LINGO2: variants seen among roughly 807,000 people sequenced by gnomAD.
LINGO2 encodes leucine-rich repeat and immunoglobulin-like domain-containing nogo receptor-interacting protein 2.
In LINGO2, 14 loss-of-function variants were observed where a neutral mutation model predicts 30.6. The observed-to-expected ratio is 0.46, with a 90% CI of 0.30 to 0.72. The LOEUF (loss-of-function observed/expected upper bound fraction) is 0.72, where lower values mean the gene tolerates loss of function less well. Ranked by LOEUF, LINGO2 falls within the 30% of genes least tolerant of loss-of-function variation. The pLI is 0.07. For synonymous variants in LINGO2, 317 were observed against 288.5 expected (o/e 1.10, Z -1.00); for missense variants, 729 against 751.7 (o/e 0.97, Z 0.35).
intron 3 of LINGO2, among the ~76,000 whole-genome samples, chr9:28,307,551 T>A (rs1204894481): frequency 6.6e-6 from 1 of 152,114 alleles, no homozygotes; most frequent in African/African-American, 2.4e-5. Flanking sequence ...ACCACTCCTA[T>A]TCAACACAGT....
chr9:28,364,132 T>G (rs1770396643), intron 3 of LINGO2, among the ~76,000 whole-genome samples: 1 of 152,204 alleles, frequency 6.6e-6, no homozygotes, highest in South Asian at 2.1e-4. Flanking sequence ...CCTTAAGAGA[T>G]TATGATATAA....
At chr9:27,981,315 A>G (rs1820842300) in intron 5 of LINGO2, among the ~76,000 whole-genome samples, 1 of 151,654 alleles carries the variant, frequency 6.6e-6, no homozygotes, top group South Asian at 2.1e-4. Context: ...CCATTTACAG[A>G]TAAGAAAATC....
chr9:28,944,733 C>G, the LINGO2 span, among the ~76,000 whole-genome samples: 1 of 151,860 alleles, frequency 6.6e-6, no homozygotes, highest in African/African-American at 2.4e-5. Context: ...AGGTTATTGA[C>G]CAGCTACTGA....
chr9:28,801,243 T>C, the LINGO2 span, among the ~76,000 whole-genome samples: 1 of 152,082 alleles, frequency 6.6e-6, no homozygotes, highest in Admixed American at 6.6e-5. Context: ...GCAAAGCTGT[T>C]CAAGATAGGT....
Position 28,250,919 on chromosome 9 carries a change from C to T in LINGO2, c.-87+44289G>A, listed in dbSNP as rs185271226. 8.3e-4 allele frequency among the ~76,000 whole-genome samples: 123 copies of T among 147,766 alleles called. 1 individual carries two copies. The East Asian group carries it at 0.023, about 27-fold the overall frequency. On this transcript the variant is annotated intron_variant, in intron 4 of 5. Transcript: ENST00000379992. ...TCCGTCAGTTGGGGACCTGCAAATCCTCCCACCCCAGCAGTCACAAGACGC... is the reference window on the plus strand; with the variant it reads ...TCCGTCAGTTGGGGACCTGCAAATCTTCCCACCCCAGCAGTCACAAGACGC...
chr9:28,478,800 A>G (rs1450934120), intron 1 of LINGO2, among the ~76,000 whole-genome samples: 1 of 152,042 alleles, frequency 6.6e-6, no homozygotes, highest in African/African-American at 2.4e-5. Context: ...CCTTGCCTTG[A>G]AGATAAGTGT....
intron 4 of LINGO2, among the ~76,000 whole-genome samples, chr9:28,118,503 A>G (rs996486609): frequency 3.9e-5 from 6 of 152,176 alleles, no homozygotes; most frequent in Admixed American, 3.9e-4. Context: ...TCAGTAAGCT[A>G]TCTAACTTTG....
At chr9:29,196,466 G>A in the LINGO2 span, among the ~76,000 whole-genome samples, 2 of 152,036 alleles carry the variant, frequency 1.3e-5, no homozygotes, top group African/African-American at 4.8e-5. Context: ...AAGTTATAAG[G>A]ATATGTTATA....
At chr9:28,846,704 C>T in the LINGO2 span, among the ~76,000 whole-genome samples, 4 of 147,372 alleles carry the variant, frequency 2.7e-5, 1 homozygote, top group African/African-American at 1.0e-4. Flanking sequence ...TAATTACCAT[C>T]TCTGGGCCCA....
the LINGO2 span, among the ~76,000 whole-genome samples, chr9:28,751,566 A>G: frequency 1.3e-5 from 2 of 152,022 alleles, no homozygotes; most frequent in South Asian, 4.1e-4. Context: ...TTTAGTTTTC[A>G]GTGAACAAAC....
At chr9:28,340,570 A>C (rs1224419580) in intron 3 of LINGO2, among the ~76,000 whole-genome samples, 1 of 152,130 alleles carries the variant, frequency 6.6e-6, no homozygotes, top group African/African-American at 2.4e-5. Context: ...TAGCAAAAAA[A>C]AGAAATTTAC....
At chr9:29,038,727 G>T in the LINGO2 span, among the ~76,000 whole-genome samples, 1 of 149,804 alleles carries the variant, frequency 6.7e-6, no homozygotes, top group African/African-American at 2.5e-5. Context: ...TGGTCTTTAG[G>T]ATTAACATCT....
chr9:29,114,481 C>A, the LINGO2 span, among the ~76,000 whole-genome samples: 1 of 150,304 alleles, frequency 6.7e-6, no homozygotes, highest in Non-Finnish European at 1.5e-5. Flanking sequence ...TATACATGTA[C>A]CATGTTGGTG....
chr9:28,736,529 G>C, the LINGO2 span, among the ~76,000 whole-genome samples: 3 of 152,116 alleles, frequency 2.0e-5, no homozygotes, highest in Admixed American at 1.3e-4. Flanking sequence ...GGTGGGTCAC[G>C]CCTATAATCC....
chr9:28,743,665 A>G, the LINGO2 span, among the ~76,000 whole-genome samples: 6 of 152,082 alleles, frequency 3.9e-5, no homozygotes, highest in Middle Eastern at 3.4e-3. Flanking sequence ...GTAGCTGTTA[A>G]TCTAATAAAT....
At chr9:28,912,926 G>A in the LINGO2 span, among the ~76,000 whole-genome samples, 4 of 152,192 alleles carry the variant, frequency 2.6e-5, no homozygotes, top group African/African-American at 4.8e-5. Context: ...CAGAAGTTAT[G>A]TGTGTGACTT....
chr9:28,990,823 A>C, the LINGO2 span, among the ~76,000 whole-genome samples: 2 of 152,122 alleles, frequency 1.3e-5, no homozygotes, highest in African/African-American at 2.4e-5. Context: ...AACTAACAAA[A>C]AGAAAGGACA....
chr9:28,037,414 G>A (rs113348695), intron 4 of LINGO2, among the ~76,000 whole-genome samples: 21 of 151,978 alleles, frequency 1.4e-4, no homozygotes, highest in South Asian at 8.3e-4. Flanking sequence ...TTTCCTGCTC[G>A]TTTTCCTGTT....
At chr9:28,501,055 C>A (rs886529974) in intron 1 of LINGO2, among the ~76,000 whole-genome samples, 11 of 151,976 alleles carry the variant, frequency 7.2e-5, no homozygotes, top group African/African-American at 2.7e-4. Context: ...ACTGCAGGTC[C>A]TTTCTGAAAA....
Sources: allele counts gnomAD v4.1 joint callset (sites outside exome capture counted in the v4.1 genomes callset), GRCh38; gene constraint gnomAD v4.1.1; transcripts MANE v1.5; gene names NCBI Gene and HGNC (gene_info 2026-07-23, HGNC 2026-07-21).